TYW1B: variants seen among roughly 807,000 people sequenced by gnomAD.
TYW1B encodes the protein S-adenosyl-L-methionine-dependent tRNA 4-demethylwyosine synthase TYW1B.
A neutral mutation model predicts 86.9 loss-of-function variants in TYW1B; 73 were observed. That is an observed-to-expected ratio of 0.84 (90% CI 0.70 to 1.02). TYW1B has a LOEUF of 1.02. TYW1B is among the 50% of genes least tolerant of loss of function. The pLI is 0.00. For missense variants in TYW1B, 637 were observed against 827.4 expected, an observed-to-expected ratio of 0.77 and a Z score of 2.82; for synonymous variants, 248 against 292.8, an observed-to-expected ratio of 0.85 and a Z score of 1.56.
At chr7:72,628,162 A>G (rs1400721700) in intron 12 of TYW1B, among the ~76,000 whole-genome samples, 6 of 152,158 alleles carry the variant, frequency 3.9e-5, no homozygotes, top group Non-Finnish European at 5.9e-5. Flanking sequence ...GTGCACCTCT[A>G]GTCCCAGCTA....
chr7:72,730,947 G>A (rs73356443), intron 8 of TYW1B, among the ~76,000 whole-genome samples: 1,741 of 109,032 alleles, frequency 0.016, 44 homozygotes, highest in African/African-American at 0.055. Flanking sequence ...AAAAAAAAAA[G>A]CCTCCTTGAG....
chr7:72,635,240 T>C (rs1812638989), intron 11 of TYW1B, among the ~76,000 whole-genome samples: 1 of 152,252 alleles, frequency 6.6e-6, no homozygotes, highest in Non-Finnish European at 1.5e-5. Flanking sequence ...TCTATGCATG[T>C]GAGGGTCTCC....
chr7:72,669,134 C>CT (rs781821639), intron 11 of TYW1B, among the ~76,000 whole-genome samples: 4,453 of 81,542 alleles, frequency 0.055, 635 homozygotes, highest in Middle Eastern at 0.083. Flanking sequence ...TAATTTTAAA[C>CT]TTTTTTTTTT....
intron 13 of TYW1B, among the ~76,000 whole-genome samples, chr7:72,611,482 A>G (rs1811930887): frequency 6.6e-6 from 1 of 152,060 alleles, no homozygotes; most frequent in Admixed American, 6.6e-5. Flanking sequence ...CGATGGTTTT[A>G]TAAGGAGTTT....
intron 11 of TYW1B, among the ~76,000 whole-genome samples, chr7:72,632,472 T>A (rs1352030954): frequency 8.3e-6 from 1 of 120,486 alleles, no homozygotes; most frequent in Non-Finnish European, 1.6e-5. Flanking sequence ...CATATATATA[T>A]AAAATATATA....
Position 72,677,984 on chromosome 7 carries a change from G to C in TYW1B, c.1506+16703C>G, listed in dbSNP as rs146950027. On this transcript the variant is annotated intron_variant, in intron 11 of 13. Coordinates refer to ENST00000620995, the MANE Select transcript of TYW1B (RefSeq NM_001145440.3). ...CCAAAAGCGCTGAGATTACAGGCGT[G>C]AGCCACCGCACCCAGCACCTTTTAT... Among the ~76,000 whole-genome samples, 106 of 152,258 alleles carry C rather than the reference G, an allele frequency of 7.0e-4. 1 individual carries two copies. In the East Asian group the frequency reaches 0.016, roughly 23 times the overall value.
chr7:72,578,922 T>C (rs1313700775), intron 13 of TYW1B, among the ~76,000 whole-genome samples: 2 of 152,130 alleles, frequency 1.3e-5, no homozygotes, highest in Non-Finnish European at 2.9e-5. Flanking sequence ...TTTCGATTTC[T>C]AGGTCTGAAG....
chr7:72,722,278 G>A (rs1554457686), intron 9 of TYW1B, among the ~76,000 whole-genome samples: 1 of 152,164 alleles, frequency 6.6e-6, no homozygotes, highest in African/African-American at 2.4e-5. Context: ...CTAGCCTAAA[G>A]TATAGATAAA....
At chr7:72,800,493 A>G (rs1307931087) in intron 6 of TYW1B, among the ~76,000 whole-genome samples, 1 of 151,946 alleles carries the variant, frequency 6.6e-6, no homozygotes, top group Non-Finnish European at 1.5e-5. Context: ...GAGCCACCGC[A>G]CTCAGCCAAC....
At chr7:72,785,045 C>G (rs144960591) in intron 6 of TYW1B, among the ~76,000 whole-genome samples, 2 of 151,860 alleles carry the variant, frequency 1.3e-5, no homozygotes, top group Admixed American at 1.3e-4. Flanking sequence ...AAACATGCCA[C>G]CCCTAACACC....
chr7:72,735,253 A>G (rs1787177798), intron 8 of TYW1B, among the ~76,000 whole-genome samples: 1 of 152,164 alleles, frequency 6.6e-6, no homozygotes, highest in Non-Finnish European at 1.5e-5. Context: ...ATATATTCAC[A>G]ATGGAATATT....
At chr7:72,764,283 A>G (rs1288730717) in intron 7 of TYW1B, among the ~76,000 whole-genome samples, 2 of 152,104 alleles carry the variant, frequency 1.3e-5, no homozygotes, top group African/African-American at 4.8e-5. Context: ...AAATGACTTC[A>G]ACAAGTCCTT....
intron 11 of TYW1B, among the ~76,000 whole-genome samples, chr7:72,664,473 C>A (rs1813413687): frequency 6.6e-6 from 1 of 152,080 alleles, no homozygotes. Flanking sequence ...TCTGCAGGGC[C>A]ATTATCCTTA....
rs1389998707 is a variant in TYW1B at position 72,767,117 on chromosome 7, A to G, written c.964+10299T>C. On this transcript the variant is annotated intron_variant, in intron 7 of 13. Transcript: ENST00000620995. ...GTGCCTGAAGACTCTACAAAATGAA[A>G]AAGACTCTACAAAAACCACAACCTT... 7.2e-5 allele frequency among the ~76,000 whole-genome samples: 11 copies of G among 152,132 alleles called. No individual in the cohort carries two copies. In the East Asian group the frequency reaches 2.1e-3, roughly 29 times the overall value.
intron 11 of TYW1B, among the ~76,000 whole-genome samples, chr7:72,656,518 G>C (rs1401538959): frequency 6.6e-6 from 1 of 152,106 alleles, no homozygotes; most frequent in African/African-American, 2.4e-5. Context: ...TGAGGCATGA[G>C]AGTCGCTTCA....
At chr7:72,775,473 G>A (rs1228867665) in intron 7 of TYW1B, among the ~76,000 whole-genome samples, 5 of 152,132 alleles carry the variant, frequency 3.3e-5, no homozygotes, top group African/African-American at 1.2e-4. Flanking sequence ...GATGACTGCT[G>A]AACTCTAATC....
intron 6 of TYW1B, among the ~76,000 whole-genome samples, chr7:72,782,885 G>C (rs1752634573): frequency 6.6e-6 from 1 of 152,054 alleles, no homozygotes; most frequent in Non-Finnish European, 1.5e-5. Flanking sequence ...AAAAGAAAAA[G>C]AAAAGATTGG....
At chr7:72,733,821 C>T (rs1265124397) in intron 8 of TYW1B, among the ~76,000 whole-genome samples, 6 of 152,156 alleles carry the variant, frequency 3.9e-5, no homozygotes, top group Non-Finnish European at 7.4e-5. Flanking sequence ...AGATTTGATG[C>T]AATCCCTATC....
chr7:72,822,003 TC>T (rs1788835617), intron 2 of TYW1B, among the ~76,000 whole-genome samples: 1 of 151,574 alleles, frequency 6.6e-6, no homozygotes, highest in Non-Finnish European at 1.5e-5. Context: ...CCTAACACTT[TC>T]AGTAGCCGAG....
Sources: allele counts gnomAD v4.1 joint callset (sites outside exome capture counted in the v4.1 genomes callset), GRCh38; gene constraint gnomAD v4.1.1; transcripts MANE v1.5; gene names NCBI Gene and HGNC (gene_info 2026-07-23, HGNC 2026-07-21).